Variants in CAPN13 observed in about 807,000 individuals in gnomAD.
CAPN13 encodes calpain 13.
Under a neutral mutation model 98.4 loss-of-function variants are expected in CAPN13, and 90 were observed. The observed-to-expected ratio is 0.92, with a 90% CI of 0.77 to 1.09. The LOEUF (loss-of-function observed/expected upper bound fraction) is 1.09, where lower values mean the gene tolerates loss of function less well. Among genes scored for constraint, CAPN13 ranks in the 50% least tolerant of loss-of-function variants. The pLI, the probability that CAPN13 is intolerant of heterozygous loss-of-function variation, is 0.00. For missense variants in CAPN13, 887 were observed against 841.3 expected, an observed-to-expected ratio of 1.05 and a Z score of -0.67; for synonymous variants, 330 against 305.5, an observed-to-expected ratio of 1.08 and a Z score of -0.84.
At chr2:30,772,851 G>A (rs1466796961) in intron 4 of CAPN13, among the ~76,000 whole-genome samples, 14 of 148,128 alleles carry the variant, frequency 9.5e-5, no homozygotes, top group Admixed American at 3.4e-4. Flanking sequence ...ACGGAGTCTC[G>A]CCCTGTTGCC....
intron 8 of CAPN13, among the ~76,000 whole-genome samples, chr2:30,755,262 A>G (rs1320096716): frequency 6.6e-6 from 1 of 151,720 alleles, no homozygotes; most frequent in Non-Finnish European, 1.5e-5. Flanking sequence ...TTGGCCCCCA[A>G]ATGCCCTCTA....
chr2:30,735,379 T>C (rs927805141), intron 18 of CAPN13, among the ~76,000 whole-genome samples: 1 of 152,238 alleles, frequency 6.6e-6, no homozygotes, highest in African/African-American at 2.4e-5. Context: ...GGCATGTGAC[T>C]GAGGCCAACC....
chr2:30,743,826 A>G, intron 12 of CAPN13: 1 of 620,536 alleles, frequency 1.6e-6, no homozygotes. Flanking sequence ...CATTGGGTCT[A>G]ACAGCATCCT....
In CAPN13 at chr2:30,754,336, G is replaced by A; in HGVS notation, c.895C>T (p.Pro299Ser). 1.2e-6 allele frequency: 2 copies of A among 1,605,948 alleles called. No homozygotes were observed. The highest frequency in any genetic ancestry group is 8.5e-7 in the Non-Finnish European group (1 of 1,176,644). The change falls in exon 9 of 23, where the codon CCG (proline) becomes TCG (serine). Residue 299 changes from proline (P) to serine (S), a missense_variant. Transcript: ENST00000295055. ...TTCTTATGTAGCTGGCTTTTCCGCG[G>A]ATCACAGGTTTCCTCCCACTCCTGA... ...GSQEWEETCD[P>S]RKSQLHKKRE...
chr2:30,725,592 G>A (rs1471073280), intron 22 of CAPN13, among the ~76,000 whole-genome samples: 5 of 152,162 alleles, frequency 3.3e-5, no homozygotes, highest in East Asian at 1.9e-4. Flanking sequence ...GGAGAAGCTC[G>A]CTTAACTCAG....
At chr2:30,755,552 G>A (rs919986057) in intron 8 of CAPN13, among the ~76,000 whole-genome samples, 2 of 152,094 alleles carry the variant, frequency 1.3e-5, no homozygotes, top group Non-Finnish European at 2.9e-5. Flanking sequence ...CTCTGGTGAG[G>A]AAGAGACCCT....
chr2:30,780,081 C>T (rs1055452607), intron 2 of CAPN13, among the ~76,000 whole-genome samples: 1 of 152,144 alleles, frequency 6.6e-6, no homozygotes, highest in Non-Finnish European at 1.5e-5. Flanking sequence ...AACATTGACT[C>T]ATGTTAGTAA....
intron 1 of CAPN13, among the ~76,000 whole-genome samples, chr2:30,798,340 A>T (rs1413239896): frequency 6.6e-6 from 1 of 152,190 alleles, no homozygotes; most frequent in African/African-American, 2.4e-5. Context: ...CAGAGGCTGG[A>T]TGACTCTACA....
intron 5 of CAPN13, 130 bp downstream of exon 5, chr2:30,770,183 T>TG: frequency 8.1e-7 from 1 of 1,237,030 alleles, no homozygotes; most frequent in South Asian, 1.5e-5. Context: ...CCTTTGCACG[T>TG]GGTGATTGTT....
chr2:30,729,980 T>C (rs1003250027), intron 22 of CAPN13: 8 of 152,234 alleles, frequency 5.3e-5, no homozygotes, highest in South Asian at 2.1e-4. Flanking sequence ...GCATGTCCAG[T>C]ATTTTTTTCT....
At position 30,773,733 on chromosome 2, in the gene CAPN13, C is replaced by T. The variant is rs139813898; in HGVS notation, c.387+2197G>A. Among the ~76,000 whole-genome samples the T allele has an allele frequency of 2.8e-3, 428 of 152,288 alleles. 1 individual carries two copies. The highest frequency in any genetic ancestry group is 0.012 in the South Asian group (57 of 4,822). On this transcript the variant is annotated intron_variant, in intron 4 of 22. Transcript: ENST00000295055. ...AGCACCTGAAAGCATAAGAAGAATT[C>T]TCCAAACAATAACTATGGGAGGAAC...
At chr2:30,791,712 G>T (rs756638197) in intron 1 of CAPN13, among the ~76,000 whole-genome samples, 4 of 152,200 alleles carry the variant, frequency 2.6e-5, no homozygotes, top group African/African-American at 7.2e-5. Context: ...TCCTCATTCT[G>T]CCTCATACAC....
At chr2:30,772,822 CTT>C (rs34192316) in intron 4 of CAPN13, among the ~76,000 whole-genome samples, 174 of 137,562 alleles carry the variant, frequency 1.3e-3, no homozygotes, top group East Asian at 4.0e-3. Flanking sequence ...GAGAGCATTT[CTT>C]TTTTTTTTTT....
intron 2 of CAPN13, among the ~76,000 whole-genome samples, chr2:30,786,703 A>G (rs1440956582): frequency 1.3e-5 from 2 of 152,226 alleles, no homozygotes; most frequent in African/African-American, 2.4e-5. Context: ...CTGACCTGCT[A>G]TCTTCCCTTT....
At chr2:30,742,996 G>T (rs1039182566) in intron 13 of CAPN13, 3 of 254,246 alleles carry the variant, frequency 1.2e-5, no homozygotes, top group Non-Finnish European at 2.3e-5. Flanking sequence ...CTTCCCTCCC[G>T]CCATTCATGC....
intron 8 of CAPN13, among the ~76,000 whole-genome samples, chr2:30,754,890 C>T (rs940517179): frequency 1.8e-4 from 28 of 152,170 alleles, no homozygotes; most frequent in African/African-American, 6.3e-4. Context: ...CTTTCCCATC[C>T]GTTCCCACAC....
chr2:30,751,150 A>C lies in CAPN13; in HGVS notation c.1189T>G (p.Leu397Val), dbSNP rs1245723760. ...GGAAATTTTGCATCTTCTGCTTTCA[A>C]ATTTGATGGTGTGACAGCAACTGTG... is the stretch of plus-strand genomic sequence containing the variant. Reference protein sequence around the residue: ...CVTVAVTPSNLKAEDAKFPLD... With the variant: ...CVTVAVTPSNVKAEDAKFPLD... The change falls in exon 11 of 23, where the codon TTG becomes GTG. Residue 397 changes from leucine (L) to valine (V), a missense_variant. Leu to Val is a conservative substitution (Grantham distance 32). Transcript: ENST00000295055. 2 of 1,613,756 alleles carry C rather than the reference A, an allele frequency of 1.2e-6. No individual in the cohort carries two copies. Among genetic ancestry groups the C allele is most frequent in the Admixed American group, 1.7e-5 (1 of 59,980 alleles).
chr2:30,778,235 G>A (rs914068246), intron 2 of CAPN13, among the ~76,000 whole-genome samples: 2 of 152,182 alleles, frequency 1.3e-5, no homozygotes, highest in African/African-American at 2.4e-5. Context: ...CTCAGTGCCC[G>A]GTCCTTCCTT....
chr2:30,760,760 T>C (rs1558317262), intron 7 of CAPN13, among the ~76,000 whole-genome samples: 1 of 152,212 alleles, frequency 6.6e-6, no homozygotes, highest in Non-Finnish European at 1.5e-5. Flanking sequence ...CAGTGACCTA[T>C]TGGCGCTCGC....
Sources: allele counts gnomAD v4.1 joint callset (sites outside exome capture counted in the v4.1 genomes callset), GRCh38; gene constraint gnomAD v4.1.1; transcripts MANE v1.5; gene names NCBI Gene and HGNC (gene_info 2026-07-23, HGNC 2026-07-21).